The following TRRAP variants were observed in gnomAD, a reference collection of about 807,000 sequenced individuals.
The protein encoded by TRRAP is transformation/transcription domain-associated protein.
Under a neutral mutation model 438.8 loss-of-function variants are expected in TRRAP, and 41 were observed. The ratio of observed to expected loss-of-function variants is 0.09; its 90% CI spans 0.07 to 0.12. The LOEUF is 0.12. Ranked by LOEUF, TRRAP falls within the 10% of genes least tolerant of loss-of-function variation. The probability of loss-of-function intolerance (pLI) is 1.00; values close to 1 mark genes in which losing one functional copy is unlikely to be tolerated. For missense variants in TRRAP, 3,122 were observed against 5,055.1 expected, an observed-to-expected ratio of 0.62 and a Z score of 11.60; for synonymous variants, 1,994 against 1,962.9, an observed-to-expected ratio of 1.02 and a Z score of -0.42.
chr7:98,963,830 C>A (rs574057728), intron 47 of TRRAP, among the ~76,000 whole-genome samples: 35 of 152,136 alleles, frequency 2.3e-4, no homozygotes, highest in Admixed American at 7.9e-4. Context: ...CCTATAATCC[C>A]AGCACTTTGG....
chr7:98,957,649 G>A (rs1791680423), intron 43 of TRRAP, among the ~76,000 whole-genome samples: 2 of 152,122 alleles, frequency 1.3e-5, no homozygotes, highest in African/African-American at 4.8e-5. Context: ...TGTGTCCCCT[G>A]GCCTTTTCCC....
At chr7:98,879,748 T>TTG (rs1239842412) in intron 1 of TRRAP, among the ~76,000 whole-genome samples, 3 of 152,230 alleles carry the variant, frequency 2.0e-5, no homozygotes, top group African/African-American at 7.2e-5. Flanking sequence ...GGTGGGCTTG[T>TTG]TGTGGGACAC....
intron 17 of TRRAP, 109 bp downstream of exon 17, chr7:98,911,380 T>A: frequency 9.3e-7 from 1 of 1,078,548 alleles, no homozygotes. Context: ...GCCAAGGATG[T>A]GCTTATAGCT....
chr7:98,985,319 A>C (rs536124790), intron 62 of TRRAP, among the ~76,000 whole-genome samples: 3 of 152,378 alleles, frequency 2.0e-5, no homozygotes, highest in African/African-American at 7.2e-5. Flanking sequence ...CCATTTCCTC[A>C]GTCCGCCATT....
At position 98,890,192 on chromosome 7, in the gene TRRAP, T is replaced by C. The variant is rs1181737323; in HGVS notation, c.151-143T>C. ...ATACAATCATCCTAATTTAAAATTA[T>C]GTTATTACTAAATAATACAAGTAGC... On this transcript the variant is annotated intron_variant, in intron 3 of 72. Transcript: ENST00000456197. The C allele has an allele frequency of 9.4e-6, 4 of 423,822 alleles. No individual in the cohort carries two copies. In the East Asian group the frequency reaches 1.5e-4, roughly 15 times the overall value. The allele number at this position is 423,822 out of a possible 1,614,324, so 26.3% of individuals were successfully genotyped here. A position where few individuals can be genotyped will look rare whatever the true frequency, so the allele number is the denominator to read the frequency against.
At chr7:98,921,639 G>T in intron 20 of TRRAP, 114 bp from the exon 21 acceptor site, 1 of 1,415,350 alleles carries the variant, frequency 7.1e-7, no homozygotes, top group Non-Finnish European at 9.7e-7. Flanking sequence ...GCCTCCCAAA[G>T]TTCTGGGATT....
At chr7:98,916,388 G>A (rs1789519691) in intron 19 of TRRAP, among the ~76,000 whole-genome samples, 1 of 152,304 alleles carries the variant, frequency 6.6e-6, no homozygotes, top group Admixed American at 6.5e-5. Context: ...AAGGTACATA[G>A]TTAACAGGGA....
chr7:99,011,177 C>T lies in TRRAP; in HGVS notation c.11064C>T (p.Ile3688=), dbSNP rs949037109. ...GGACGTTCCGGAAGATGTTCACCAT[C>T]CAGCTGGCTCTGATAGGCTTCGCGG... The part of the protein sequence containing the change: ...DYWTFRKMFT[I]QLALIGFAEF... Residue 3688 remains isoleucine (I), a synonymous_variant, in exon 71 of 73, where the codon ATC becomes ATT. Transcript: ENST00000456197. The surrounding 1 kb of genome is among the most constrained non-coding windows in gnomAD (Gnocchi z 7.1). 1 of 1,614,048 alleles carries T rather than the reference C, an allele frequency of 6.2e-7. No homozygotes were observed. The highest frequency in any genetic ancestry group is 8.5e-7 in the Non-Finnish European group (1 of 1,180,050).
intron 38 of TRRAP, 23 bp from the exon 39 acceptor site, chr7:98,950,853 C>T (rs1554418095): frequency 6.6e-7 from 1 of 1,506,034 alleles, no homozygotes; most frequent in Non-Finnish European, 8.9e-7. Flanking sequence ...TTTTCTCCTT[C>T]TTTATTTAAA....
Position 98,976,696 on chromosome 7 carries a change from G to A in TRRAP, c.8173G>A (p.Gly2725Ser). The stretch of plus-strand genomic sequence containing the variant: ...GTTGGAGCACCAGGCTTTTGAAAAG[G>A]GTCTGAGTCTTCAGATTAAGCCGAA... The part of the protein sequence containing the change: ...LMLEHQAFEK[G>S]LSLQIKPKQT... Residue 2725 changes from glycine to serine, a missense_variant, in exon 55 of 73, where the codon GGT becomes AGT. Physicochemically the swap from Gly to Ser is moderately conservative, Grantham distance 56. Transcript: ENST00000456197. The surrounding 1 kb of genome is among the most constrained non-coding windows in gnomAD (Gnocchi z 4.6). 1 of 1,614,112 alleles carries A rather than the reference G, an allele frequency of 6.2e-7. No homozygotes were observed. Among genetic ancestry groups the A allele is most frequent in the Non-Finnish European group, 8.5e-7 (1 of 1,180,046 alleles).
At position 99,005,743 on chromosome 7, in the gene TRRAP, G is replaced by A. The variant is rs1316546090; in HGVS notation, c.10753+395G>A. On this transcript the variant is annotated intron_variant, in intron 69 of 72. Coordinates refer to ENST00000456197, the MANE Select transcript of TRRAP (RefSeq NM_001375524.1). This position sits in a 1 kb window ranked among gnomAD's most constrained non-coding sequence, Gnocchi z 5.1. ...TGTCAGTGTATTTTATGTGTGGCCT[G>A]AGACAATTCTTCCAATGTGGCCCAG... Among the ~76,000 whole-genome samples the A allele has an allele frequency of 6.6e-6, 1 of 151,534 alleles. No individual in the cohort carries two copies. Among genetic ancestry groups the A allele is most frequent in the Admixed American group, 6.6e-5 (1 of 15,246 alleles).
intron 51 of TRRAP, among the ~76,000 whole-genome samples, chr7:98,968,377 G>A (rs970099724): frequency 1.3e-5 from 2 of 152,194 alleles, no homozygotes; most frequent in African/African-American, 4.8e-5. Flanking sequence ...CCACGCTGTC[G>A]GTTTTGGTTC....
Position 98,910,412 on chromosome 7 carries a change from A to G in TRRAP, c.1707A>G (p.Ala569=), listed in dbSNP as rs782607929. 6.2e-7 allele frequency: 1 copy of G among 1,609,974 alleles called. No individual in the cohort carries two copies. Among genetic ancestry groups the G allele is most frequent in the South Asian group, 1.1e-5 (1 of 90,818 alleles). The change falls in exon 15 of 73, where the codon GCA becomes GCG. Residue 569 remains alanine (A), a synonymous_variant. Transcript: ENST00000456197. ...CGTGGGGCATAACATCATGCAAAGC[A>G]CCTGGTGGTAATTCTGCTCTTCAGT... ...TITWGITSCK[A]PGEAQFIPNK...
At position 98,990,705 on chromosome 7, in the gene TRRAP, G is replaced by C. The variant is rs941003084; in HGVS notation, c.9756+86G>C. ...CTTTTTTCTCCCAGAAAGTAAATTT[G>C]AGTGTTCAAAGTATTAAAAACAAGT... is the stretch of plus-strand genomic sequence containing the variant. On this transcript the variant is annotated intron_variant, in intron 64 of 72. Coordinates refer to ENST00000456197, the MANE Select transcript of TRRAP (RefSeq NM_001375524.1). 7 of 1,465,862 alleles carry C rather than the reference G, an allele frequency of 4.8e-6. No homozygotes were observed. In the African/African-American group the frequency reaches 8.4e-5, roughly 18 times the overall value. The allele number at this position is 1,465,862 out of a possible 1,614,324, so 90.8% of individuals were successfully genotyped here. A position where few individuals can be genotyped will look rare whatever the true frequency, so the allele number is the denominator to read the frequency against.
At chr7:98,917,958 CA>C (rs1789587306) in intron 20 of TRRAP, among the ~76,000 whole-genome samples, 1 of 151,702 alleles carries the variant, frequency 6.6e-6, no homozygotes, top group Non-Finnish European at 1.5e-5. Context: ...CCCATCTCTA[CA>C]AAAAATACAA....
At chr7:98,920,870 G>A (rs782609184) in intron 20 of TRRAP, among the ~76,000 whole-genome samples, 16 of 151,776 alleles carry the variant, frequency 1.1e-4, no homozygotes, top group Non-Finnish European at 1.6e-4. Flanking sequence ...ATGAAGTTTC[G>A]CTCTTGTTGC....
intron 59 of TRRAP, among the ~76,000 whole-genome samples, 178 bp downstream of exon 59, chr7:98,982,138 GA>G (rs1454642509): frequency 6.6e-6 from 1 of 152,166 alleles, no homozygotes; most frequent in Non-Finnish European, 1.5e-5. Context: ...AAAACGTTGA[GA>G]AAAACATGTC....
At chr7:98,912,844 A>T (rs1005089182) in intron 18 of TRRAP, among the ~76,000 whole-genome samples, 1 of 152,134 alleles carries the variant, frequency 6.6e-6, no homozygotes, top group Non-Finnish European at 1.5e-5. Context: ...GGAAAAAAAA[A>T]CATCTTTATT....
chr7:98,910,888 GTTTT>G (rs575173171), intron 16 of TRRAP, among the ~76,000 whole-genome samples, 185 bp from the exon 17 acceptor site: 6,123 of 147,126 alleles, frequency 0.042, 163 homozygotes, highest in Non-Finnish European at 0.057. Context: ...ACACCTAGAG[GTTTT>G]TTTTTTTTAA....
Sources: gnomAD v4.1 joint callset for allele counts (sites outside exome capture counted in the v4.1 genomes callset) on GRCh38, gnomAD v4.1.1 for gene constraint, Gnocchi (gnomAD v3.1) non-coding constraint, MANE v1.5 for transcripts, NCBI Gene and HGNC (gene_info 2026-07-23, HGNC 2026-07-21) for gene names.